Variants in TNRC18 observed in about 807,000 individuals in gnomAD.
TNRC18 encodes trinucleotide repeat-containing gene 18 protein.
A neutral mutation model predicts 226.7 loss-of-function variants in TNRC18; 69 were observed. The observed-to-expected ratio is 0.30, with a 90% CI of 0.25 to 0.37. TNRC18 has a LOEUF of 0.37. TNRC18 is among the 10% of genes least tolerant of loss of function. TNRC18 has a pLI of 1.00. For missense variants in TNRC18, 4,754 were observed against 4,256.6 expected (o/e 1.12, Z -3.25); for synonymous variants, 2,449 against 1,927.6 (o/e 1.27, Z -7.09).
intron 5 of TNRC18, among the ~76,000 whole-genome samples, chr7:5,381,005 G>C (rs1583995061): frequency 6.6e-6 from 1 of 152,154 alleles, no homozygotes; most frequent in Admixed American, 6.5e-5. Flanking sequence ...TGCAGCCTGG[G>C]CTGCCCCAAG....
In TNRC18 at chr7:5,320,505, C is replaced by G. The variant is rs1220989552; in HGVS notation, c.6636+27G>C. On this transcript the variant is annotated intron_variant, in intron 23 of 29. Transcript: ENST00000430969. ...TGGACACCCAGCCCACCCCGAGCCT[C>G]CCGAGGCCCCGCCCCTCCCCCCTCA... 4 of 1,552,016 alleles carry G rather than the reference C, an allele frequency of 2.6e-6. No homozygotes were observed. In the Admixed American group the frequency reaches 6.9e-5, roughly 27 times the overall value.
chr7:5,329,908 T>C, intron 19 of TNRC18: 3 of 470,986 alleles, frequency 6.4e-6, no homozygotes. Flanking sequence ...ACCCAGCTAT[T>C]ATATCCAGCT....
chr7:5,389,503 G>C, intron 4 of TNRC18, 167 bp from the exon 5 acceptor site: 2 of 833,580 alleles, frequency 2.4e-6, no homozygotes, highest in East Asian at 8.4e-5. Context: ...CACCCAGGCT[G>C]GAGTACAGTG....
Position 5,388,997 on chromosome 7 carries a change from A to G in TNRC18, c.827T>C (p.Leu276Pro). The change falls in exon 5 of 30, where the codon CTG (leucine) becomes CCG (proline). Residue 276 changes from leucine (L) to proline (P), a missense_variant. Coordinates refer to ENST00000430969, the MANE Select transcript of TNRC18 (RefSeq NM_001080495.3). ...GCACATGGTCAGTACCGACGGCTGC[A>G]GCGCCGCATTCTTGGTCTTGGACTC... Reference protein sequence around the residue: ...LAESKTKNAALQPSVLTMCNG... With the variant: ...LAESKTKNAAPQPSVLTMCNG... 1 of 1,361,078 alleles carries G rather than the reference A, an allele frequency of 7.3e-7. No individual in the cohort carries two copies. Among genetic ancestry groups the G allele is most frequent in the East Asian group, 3.6e-5 (1 of 27,820 alleles). 84.3% of individuals were successfully genotyped at this position (1,361,078 alleles called of 1,614,324 possible). A position where few individuals can be genotyped will look rare whatever the true frequency, so the allele number is the denominator to read the frequency against.
Position 5,377,411 on chromosome 7 carries a change from G to A in TNRC18, c.2421C>T (p.Arg807=), listed in dbSNP as rs1267779651. Residue 807 remains arginine (R), a synonymous_variant, in exon 7 of 30, where the codon CGC becomes CGT. Transcript: ENST00000430969. This position sits in a 1 kb window ranked among gnomAD's most constrained non-coding sequence, Gnocchi z 5.8. ...AHLATHPWLP[R]SGNASMWLAG... ...CGAGCCACATGGATGCGTTGCCCGAGCGGGGCAACCAGGGGTGCGTGGCCA... is the reference window on the plus strand; with the variant it reads ...CGAGCCACATGGATGCGTTGCCCGAACGGGGCAACCAGGGGTGCGTGGCCA... 6.3e-7 allele frequency: 1 copy of A among 1,596,086 alleles called. No individual in the cohort carries two copies. Among genetic ancestry groups the A allele is most frequent in the Non-Finnish European group, 8.5e-7 (1 of 1,172,300 alleles).
chr7:5,329,928 G>A (rs1214999285), intron 19 of TNRC18: 10 of 470,930 alleles, frequency 2.1e-5, no homozygotes, highest in Middle Eastern at 3.2e-4. Flanking sequence ...TATAATACCA[G>A]AGGCTCACCC....
At chr7:5,364,136 T>A (rs1388750948) in intron 11 of TNRC18, among the ~76,000 whole-genome samples, 1 of 152,070 alleles carries the variant, frequency 6.6e-6, no homozygotes, top group African/African-American at 2.4e-5. Flanking sequence ...CTGTCTCTAC[T>A]AAAAATTCAA....
At chr7:5,316,641 C>T (rs1425157933) in intron 24 of TNRC18, among the ~76,000 whole-genome samples, 1 of 152,126 alleles carries the variant, frequency 6.6e-6, no homozygotes, top group African/African-American at 2.4e-5. Context: ...GCACCTGCGC[C>T]CGCTCATGCA....
chr7:5,354,909 C>T lies in TNRC18; in HGVS notation c.5194+2007G>A, dbSNP rs540189728. Among the ~76,000 whole-genome samples, 89 of 152,304 alleles carry T rather than the reference C, an allele frequency of 5.8e-4. 1 individual carries two copies. The Middle Eastern group carries it at 0.01, about 17-fold the overall frequency. ...TATTTCCTTAAGAAAACATGCTTTA[C>T]GGTATCAATAAACACGGCGACTTTT... On this transcript the variant is annotated intron_variant, in intron 16 of 29. Transcript: ENST00000430969.
chr7:5,310,865 T>C (rs560543468), intron 27 of TNRC18, among the ~76,000 whole-genome samples: 1 of 152,366 alleles, frequency 6.6e-6, no homozygotes, highest in South Asian at 2.1e-4. Flanking sequence ...TCCTGCCATG[T>C]ATATGTGCCT....
At chr7:5,376,324 C>G (rs1278644029) in intron 8 of TNRC18, 100 bp from the exon 9 acceptor site, 11 of 1,090,782 alleles carry the variant, frequency 1.0e-5, no homozygotes, top group East Asian at 2.8e-5. Flanking sequence ...CACACCCACA[C>G]AGTGGGGAGC....
chr7:5,337,490 A>G (rs1562511327), intron 18 of TNRC18, among the ~76,000 whole-genome samples: 1 of 150,890 alleles, frequency 6.6e-6, no homozygotes, highest in African/African-American at 2.4e-5. Context: ...TCAAAAAAAA[A>G]AAAGGAACAC....
At chr7:5,308,777 G>A in intron 29 of TNRC18, 98 bp downstream of exon 29, 2 of 1,348,918 alleles carry the variant, frequency 1.5e-6, no homozygotes, top group East Asian at 2.5e-5. Flanking sequence ...GAGACCATGG[G>A]GGACAGAGCA....
At position 5,390,358 on chromosome 7, in the gene TNRC18, CAAAA is replaced by C. The variant is rs11295332; in HGVS notation, c.487+123_487+126del. 25,987 of 697,240 alleles carry C rather than the reference CAAAA, an allele frequency of 0.037. 60 individuals are homozygous for C. The highest frequency in any genetic ancestry group is 0.1 in the African/African-American group (4,076 of 40,526). 43.2% of individuals were successfully genotyped at this position (697,240 alleles called of 1,614,324 possible). ...TGGGCAACATAGTGAGACCCTGTCTCAAAAAAAAAAAAAAAAAAAAAGCCAGCAT... is the reference window on the plus strand; with the variant it reads ...TGGGCAACATAGTGAGACCCTGTCTCAAAAAAAAAAAAAAAAAGCCAGCAT... On this transcript the variant is annotated intron_variant, in intron 4 of 29. Coordinates refer to ENST00000430969, the MANE Select transcript of TNRC18 (RefSeq NM_001080495.3).
At chr7:5,338,430 G>C (rs996921394) in intron 18 of TNRC18, among the ~76,000 whole-genome samples, 1 of 151,976 alleles carries the variant, frequency 6.6e-6, no homozygotes, top group African/African-American at 2.4e-5. Flanking sequence ...ATTGTTACTA[G>C]CAACAAAGAA....
chr7:5,422,185 G>A (rs1223497747), intron 1 of TNRC18, among the ~76,000 whole-genome samples: 3 of 152,072 alleles, frequency 2.0e-5, no homozygotes, highest in Admixed American at 6.5e-5. Flanking sequence ...GGACTGGAAA[G>A]AATCCTACAA....
rs1255505332 is a variant in TNRC18 at position 5,351,937 on chromosome 7, G to T, written c.5352C>A (p.Ala1784=). Residue 1784 remains alanine, a synonymous_variant, in exon 17 of 30, where the codon GCC becomes GCA. Coordinates refer to ENST00000430969, the MANE Select transcript of TNRC18 (RefSeq NM_001080495.3). ...GPKLTKRGLA[A]PRTLKPKPAT... ...CCGGCTTGGGTTTCAGAGTCCGGGGGGCCGCCAGGCCCCTCTTGGTCAGCT... is the reference window on the plus strand; with the variant it reads ...CCGGCTTGGGTTTCAGAGTCCGGGGTGCCGCCAGGCCCCTCTTGGTCAGCT... 6 of 1,613,646 alleles carry T rather than the reference G, an allele frequency of 3.7e-6. No homozygotes were observed. Among genetic ancestry groups the T allele is most frequent in the Non-Finnish European group, 5.1e-6 (6 of 1,179,822 alleles).
At chr7:5,308,456 GAGAC>G (rs913127800) in intron 29 of TNRC18, 144 bp from the exon 30 acceptor site, 14 of 738,424 alleles carry the variant, frequency 1.9e-5, no homozygotes, top group African/African-American at 3.5e-5. Flanking sequence ...GGCTGAGTAA[GAGAC>G]AGACCAACAA....
Position 5,370,985 on chromosome 7 carries a change from G to C in TNRC18, c.3609C>G (p.Ala1203=), listed in dbSNP as rs533300934. 1.2e-6 allele frequency: 2 copies of C among 1,606,398 alleles called. No individual in the cohort carries two copies. Among genetic ancestry groups the C allele is most frequent in the East Asian group, 2.2e-5 (1 of 44,872 alleles). ...TCTGCCCGGTGGCACTCAGCGCCTG[G>C]GCCTCCAACAGGCCACCTCCACAAC... ...AGGCGGGLLE[A]QALSATGQSC... The change falls in exon 11 of 30, where the codon GCC becomes GCG. Residue 1203 remains alanine (A), a synonymous_variant. Coordinates refer to ENST00000430969, the MANE Select transcript of TNRC18 (RefSeq NM_001080495.3).
Sources: allele counts gnomAD v4.1 joint callset (sites outside exome capture counted in the v4.1 genomes callset), GRCh38; gene constraint gnomAD v4.1.1; non-coding constraint Gnocchi (gnomAD v3.1); transcripts MANE v1.5; gene names NCBI Gene and HGNC (gene_info 2026-07-23, HGNC 2026-07-21).